The following HOXA3 variants were observed in gnomAD, a reference collection of about 807,000 sequenced individuals.
HOXA3 encodes the protein homeobox A3.
Under a neutral mutation model 30.3 loss-of-function variants are expected in HOXA3, and 8 were observed. The observed-to-expected ratio is 0.26, with a 90% CI of 0.15 to 0.48. The LOEUF is 0.48. Ranked by LOEUF, HOXA3 falls within the 20% of genes least tolerant of loss-of-function variation. HOXA3 has a pLI of 0.99. For synonymous variants in HOXA3, 323 were observed against 273.1 expected (o/e 1.18, Z -1.80); for missense variants, 653 against 614.4 (o/e 1.06, Z -0.66).
chr7:27,118,506 G>A (rs1784850368), intron 4 of HOXA3, among the ~76,000 whole-genome samples: 1 of 152,188 alleles, frequency 6.6e-6, no homozygotes, highest in Non-Finnish European at 1.5e-5. Flanking sequence ...GGGTAGGTGG[G>A]GAACCTTGAC....
At chr7:27,142,502 T>C (rs1214240966) in intron 1 of HOXA3, among the ~76,000 whole-genome samples, 2 of 152,104 alleles carry the variant, frequency 1.3e-5, no homozygotes, top group Non-Finnish European at 2.9e-5. Context: ...CCGCCTCCCG[T>C]TTCCAGCCTG....
chr7:27,133,000 C>CTGTTT (rs1471668085), intron 2 of HOXA3, among the ~76,000 whole-genome samples: 1 of 152,210 alleles, frequency 6.6e-6, no homozygotes, highest in Admixed American at 6.5e-5. Flanking sequence ...GACATAAACA[C>CTGTTT]TGTTTTGTAT....
chr7:27,126,266 G>A (rs1454123609), intron 3 of HOXA3, among the ~76,000 whole-genome samples: 3 of 152,136 alleles, frequency 2.0e-5, no homozygotes, highest in African/African-American at 2.4e-5. Flanking sequence ...CAAAACTTTT[G>A]TCTCCGGAGT....
At chr7:27,117,541 T>C (rs1784786697) in intron 4 of HOXA3, among the ~76,000 whole-genome samples, 1 of 152,190 alleles carries the variant, frequency 6.6e-6, no homozygotes, top group Non-Finnish European at 1.5e-5. Context: ...TCCTTGGGTC[T>C]GGCTTCTTGG....
At chr7:27,146,005 A>G in intron 1 of HOXA3, 1 of 1,447,106 alleles carries the variant, frequency 6.9e-7, no homozygotes, top group Non-Finnish European at 9.2e-7. Flanking sequence ...AGGCACCCAG[A>G]CTAGAAACCA....
intron 1 of HOXA3, chr7:27,143,027 A>C: frequency 6.7e-7 from 1 of 1,497,386 alleles, no homozygotes; most frequent in Non-Finnish European, 8.9e-7. Context: ...GCGTGGATTT[A>C]GAAAAAGGCT....
intron 3 of HOXA3, among the ~76,000 whole-genome samples, chr7:27,126,083 C>T (rs1008389051): frequency 2.0e-5 from 3 of 152,188 alleles, no homozygotes; most frequent in African/African-American, 7.2e-5. Flanking sequence ...ATGCCTGTCA[C>T]AGTTGAATTC....
chr7:27,114,853 T>TTA (rs1375932565), intron 4 of HOXA3, among the ~76,000 whole-genome samples: 4 of 104,378 alleles, frequency 3.8e-5, no homozygotes, highest in African/African-American at 9.9e-5. Context: ...ATAATATATA[T>TTA]TATATATATA....
At chr7:27,143,014 G>A (rs73290304) in intron 1 of HOXA3, 50,403 of 1,489,024 alleles carry the variant, frequency 0.034, 1,888 homozygotes, top group African/African-American at 0.19. Context: ...CGTCCCCGCG[G>A]TCGCGTGGAT....
rs1051816794 is a variant in HOXA3 at position 27,108,734 on chromosome 7, G to A, written c.527-14C>T. ...CGCAGCTTTCGCCTGCGAGGACAGA[G>A]AGAGGAAGAGCGGCGTCAGGGGCTG... On this transcript the variant is annotated splice_polypyrimidine_tract_variant and intron_variant, in intron 5 of 5. Coordinates refer to ENST00000612286, the MANE Select transcript of HOXA3 (RefSeq NM_153631.3). The surrounding 1 kb of genome is among the most constrained non-coding windows in gnomAD (Gnocchi z 5.0). The A allele has an allele frequency of 1.0e-5, 16 of 1,572,854 alleles. No individual in the cohort carries two copies. The highest frequency in any genetic ancestry group is 4.1e-5 in the African/African-American group (3 of 73,854).
chr7:27,126,327 A>T (rs1484172907), intron 3 of HOXA3, among the ~76,000 whole-genome samples: 1 of 152,112 alleles, frequency 6.6e-6, no homozygotes, highest in Non-Finnish European at 1.5e-5. Context: ...TATTGGAGGG[A>T]GGGAGAAAGA....
intron 1 of HOXA3, chr7:27,147,845 G>A: frequency 1.7e-6 from 2 of 1,155,106 alleles, no homozygotes; most frequent in Non-Finnish European, 1.2e-6. Context: ...CTGGATGGCC[G>A]AACGCCAAAA....
intron 1 of HOXA3, chr7:27,143,691 T>C (rs1349729675): frequency 1.3e-6 from 2 of 1,494,488 alleles, no homozygotes; most frequent in South Asian, 1.4e-5. Context: ...TGATGAATTA[T>C]GGAAATGACT....
rs922222011 is a variant in HOXA3, at chr7:27,108,731, A to T, written c.527-11T>A. 6.4e-7 allele frequency: 1 copy of T among 1,572,588 alleles called. No individual in the cohort carries two copies. The highest frequency in any genetic ancestry group is 8.6e-7 in the Non-Finnish European group (1 of 1,158,160). Reference sequence around the variant, plus strand: ...CAGCGCAGCTTTCGCCTGCGAGGACAGAGAGAGGAAGAGCGGCGTCAGGGG... The same window carrying T: ...CAGCGCAGCTTTCGCCTGCGAGGACTGAGAGAGGAAGAGCGGCGTCAGGGG... On this transcript the variant is annotated splice_polypyrimidine_tract_variant and intron_variant, in intron 5 of 5. Transcript: ENST00000612286. The surrounding 1 kb of genome is among the most constrained non-coding windows in gnomAD (Gnocchi z 5.0).
chr7:27,142,407 G>T (rs997010498), intron 1 of HOXA3, among the ~76,000 whole-genome samples: 2 of 152,236 alleles, frequency 1.3e-5, no homozygotes, highest in South Asian at 2.1e-4. Flanking sequence ...GCTGCCCACC[G>T]CACAGAAACC....
At chr7:27,147,343 AC>A in intron 1 of HOXA3, 1 of 1,613,900 alleles carries the variant, frequency 6.2e-7, no homozygotes, top group Non-Finnish European at 8.5e-7. Context: ...CCAAGGGTAA[AC>A]CGGGCTCGTG....
rs745686401 is a variant in HOXA3, at chr7:27,143,448, G to C, written c.-493-3262C>G. Reference sequence around the variant, plus strand: ...CCGGAGCCCGAGCGGCCGACGCTGAGATCCATGCCATTGTAGCCGTAGCCG... The same window carrying C: ...CCGGAGCCCGAGCGGCCGACGCTGACATCCATGCCATTGTAGCCGTAGCCG... On this transcript the variant is annotated intron_variant, in intron 1 of 5. Coordinates refer to ENST00000612286, the MANE Select transcript of HOXA3 (RefSeq NM_153631.3). The C allele has an allele frequency of 1.1e-5, 17 of 1,613,616 alleles. No individual in the cohort carries two copies.
intron 4 of HOXA3, chr7:27,121,786 A>G (rs534094316): frequency 6.5e-6 from 1 of 152,706 alleles, no homozygotes; most frequent in African/African-American, 2.4e-5. Flanking sequence ...CCTCCCCCAA[A>G]CAGGCATGTA....
chr7:27,137,585 C>A (rs1040755697), intron 2 of HOXA3, among the ~76,000 whole-genome samples: 5 of 152,130 alleles, frequency 3.3e-5, no homozygotes, highest in Admixed American at 3.3e-4. Flanking sequence ...ACCAGCCATC[C>A]TCTTTATTAT....
Sources: allele counts gnomAD v4.1 joint callset (sites outside exome capture counted in the v4.1 genomes callset), GRCh38; gene constraint gnomAD v4.1.1; non-coding constraint Gnocchi (gnomAD v3.1); transcripts MANE v1.5; gene names NCBI Gene and HGNC (gene_info 2026-07-23, HGNC 2026-07-21).